Variants in SULT1E1 observed in about 807,000 individuals in gnomAD.
The protein encoded by SULT1E1 is sulfotransferase family 1E member 1.
In SULT1E1, 36 loss-of-function variants were observed where a neutral mutation model predicts 33.6. That is an observed-to-expected ratio of 1.07 (90% CI 0.82 to 1.41). The LOEUF (loss-of-function observed/expected upper bound fraction) is 1.41. Among genes scored for constraint, SULT1E1 ranks in the 40% most tolerant of loss-of-function variants. The probability of loss-of-function intolerance (pLI) is 0.00; values close to 1 mark genes in which losing one functional copy is unlikely to be tolerated. For synonymous variants in SULT1E1, 121 were observed against 111.7 expected, an observed-to-expected ratio of 1.08 and a Z score of -0.53; for missense variants, 371 against 345.7, an observed-to-expected ratio of 1.07 and a Z score of -0.58.
At chr4:69,831,616 G>T in the SULT1E1 span, among the ~76,000 whole-genome samples, 1 of 152,108 alleles carries the variant, frequency 6.6e-6, no homozygotes, top group African/African-American at 2.4e-5. Flanking sequence ...ATTATTTAAC[G>T]TACATTCCAA....
At chr4:69,822,651 T>C in the SULT1E1 span, among the ~76,000 whole-genome samples, 3 of 152,184 alleles carry the variant, frequency 2.0e-5, no homozygotes, top group African/African-American at 7.2e-5. Flanking sequence ...GCAAGATTTT[T>C]ACTACTTTGT....
downstream of SULT1E1, among the ~76,000 whole-genome samples, chr4:69,839,438 A>G (rs1230849567): frequency 1.3e-5 from 2 of 152,230 alleles, no homozygotes; most frequent in East Asian, 3.9e-4. Flanking sequence ...GCTCTCATTA[A>G]TCAATTAATC....
the SULT1E1 span, among the ~76,000 whole-genome samples, chr4:69,834,793 G>A: frequency 0.034 from 5,223 of 152,100 alleles, 282 homozygotes; most frequent in African/African-American, 0.12. Flanking sequence ...TTAATAGTAG[G>A]ATCATAAAAT....
chr4:69,827,581 G>T, the SULT1E1 span, among the ~76,000 whole-genome samples: 12 of 152,240 alleles, frequency 7.9e-5, no homozygotes, highest in Middle Eastern at 6.8e-3. Flanking sequence ...TCCTTCGAGG[G>T]TCAATTGATC....
rs1234821879 is a variant in SULT1E1 at position 69,854,392 on chromosome 4, AATAGAAGTAATTCTAAGATTCTAT to A, written c.272-102_272-79del. ...TGTGGATTTATATAGATATTTGTAA[AATAGAAGTAATTCTAAGATTCTAT>A]ATTGTAATTAGATTGTGTGTAACAC... On this transcript the variant is annotated intron_variant, in intron 3 of 7. Coordinates refer to ENST00000226444, the MANE Select transcript of SULT1E1 (RefSeq NM_005420.3). 2.1e-5 allele frequency: 18 copies of A among 851,054 alleles called. No homozygotes were observed. The African/African-American group carries it at 2.6e-4, about 12-fold the overall frequency. The allele number at this position is 851,054 out of a possible 1,614,324, so 52.7% of individuals were successfully genotyped here.
rs1019011247 is a variant in SULT1E1 at position 69,845,992 on chromosome 4, C to G, written c.592-1651G>C. Among the ~76,000 whole-genome samples the G allele has an allele frequency of 3.3e-4, 49 of 150,610 alleles. 1 individual carries two copies. The highest frequency in any genetic ancestry group is 1.1e-3 in the African/African-American group (47 of 41,376). On this transcript the variant is annotated intron_variant, in intron 6 of 7. Coordinates refer to ENST00000226444, the MANE Select transcript of SULT1E1 (RefSeq NM_005420.3). ...GCTCACCAAAAACACTCTAAAATTACTGAAATACCATAAAGGATTTTAAAG... is the reference window on the plus strand; with the variant it reads ...GCTCACCAAAAACACTCTAAAATTAGTGAAATACCATAAAGGATTTTAAAG...
At chr4:69,848,285 A>G (rs906880345) in intron 5 of SULT1E1, among the ~76,000 whole-genome samples, 1 of 151,816 alleles carries the variant, frequency 6.6e-6, no homozygotes, top group African/African-American at 2.4e-5. Flanking sequence ...ATGGGAAGGA[A>G]TGTTCTCGTA....
the SULT1E1 span, among the ~76,000 whole-genome samples, chr4:69,826,067 G>T: frequency 2.0e-5 from 3 of 152,120 alleles, no homozygotes; most frequent in Non-Finnish European, 2.9e-5. Flanking sequence ...AGACAAGCAG[G>T]CCTAACAAAA....
At chr4:69,830,955 C>T in the SULT1E1 span, among the ~76,000 whole-genome samples, 1 of 152,216 alleles carries the variant, frequency 6.6e-6, no homozygotes, top group Non-Finnish European at 1.5e-5. Flanking sequence ...GACAGGTCCT[C>T]TCATTTCCTG....
the SULT1E1 span, among the ~76,000 whole-genome samples, chr4:69,821,828 A>G: frequency 3.9e-5 from 6 of 152,234 alleles, no homozygotes; most frequent in Admixed American, 6.5e-5. Flanking sequence ...TGTCATATCA[A>G]AGAAATGTAA....
downstream of SULT1E1, chr4:69,838,324 CT>C (rs1297389895): frequency 6.6e-6 from 1 of 151,490 alleles, no homozygotes; most frequent in African/African-American, 2.4e-5. Flanking sequence ...CTTTAAGCTT[CT>C]TTCATTTTGC....
chr4:69,841,067 A>G (rs1720876493), downstream of SULT1E1: 1 of 152,104 alleles, frequency 6.6e-6, no homozygotes, highest in South Asian at 2.1e-4. Context: ...AAAAGAAAAT[A>G]AAAGAAAATA....
chr4:69,830,518 C>T, the SULT1E1 span, among the ~76,000 whole-genome samples: 1 of 152,200 alleles, frequency 6.6e-6, no homozygotes, highest in Non-Finnish European at 1.5e-5. Flanking sequence ...AGATTTTTTC[C>T]TGCATTGGCT....
Position 69,844,319 on chromosome 4 carries a change from T to G in SULT1E1, c.614A>C (p.Lys205Thr). ...LKEDIRKEVI[K>T]LIHFLERKPS... is the part of the protein sequence containing the mutation. ...CTTCCTTTCCAGGAAATGTATCAAT[T>G]TTATCACCTCTTTTCTGATATCCTA... is the stretch of plus-strand genomic sequence containing the variant. Residue 205 changes from lysine to threonine, a missense_variant, in exon 7 of 8, where the codon AAA becomes ACA. Transcript: ENST00000226444. 6.2e-7 allele frequency: 1 copy of G among 1,613,442 alleles called. No homozygotes were observed. Among genetic ancestry groups the G allele is most frequent in the Non-Finnish European group, 8.5e-7 (1 of 1,179,596 alleles).
At chr4:69,824,846 G>A in the SULT1E1 span, among the ~76,000 whole-genome samples, 1 of 152,148 alleles carries the variant, frequency 6.6e-6, no homozygotes, top group African/African-American at 2.4e-5. Flanking sequence ...GGGAATAAAA[G>A]CTGGCCACCA....
chr4:69,841,275 A>G lies in SULT1E1; in HGVS notation c.*719T>C, dbSNP rs1720880977. The G allele has an allele frequency of 6.6e-6, 1 of 152,206 alleles. No individual in the cohort carries two copies. Among genetic ancestry groups the G allele is most frequent in the East Asian group, 1.9e-4 (1 of 5,194 alleles). 9.4% of individuals were successfully genotyped at this position (152,206 alleles called of 1,614,324 possible). ...CAAGATGAATAATCTGTGTTACTAC[A>G]TCATTCCCATAGGTTATAGTTGTGC... On this transcript the variant is annotated 3_prime_UTR_variant, in exon 8 of 8. Transcript: ENST00000226444.
chr4:69,854,870 A>G (rs928275015), intron 3 of SULT1E1, among the ~76,000 whole-genome samples: 6 of 152,072 alleles, frequency 3.9e-5, no homozygotes, highest in African/African-American at 1.4e-4. Context: ...ATGATTTTAT[A>G]GTGTTATTAC....
At chr4:69,848,308 G>A (rs1721023709) in intron 5 of SULT1E1, among the ~76,000 whole-genome samples, 1 of 151,726 alleles carries the variant, frequency 6.6e-6, no homozygotes, top group African/African-American at 2.4e-5. Context: ...TACCCTTAGT[G>A]TCATTCTCAC....
intron 7 of SULT1E1, among the ~76,000 whole-genome samples, chr4:69,842,380 T>C (rs1171426881): frequency 6.6e-6 from 1 of 152,326 alleles, no homozygotes; most frequent in East Asian, 1.9e-4. Flanking sequence ...TCTCAGCTGT[T>C]GGGGCTCCCA....
Sources: allele counts gnomAD v4.1 joint callset (sites outside exome capture counted in the v4.1 genomes callset), GRCh38; gene constraint gnomAD v4.1.1; transcripts MANE v1.5; gene names NCBI Gene and HGNC (gene_info 2026-07-23, HGNC 2026-07-21).